The following RPRD1A variants were observed in gnomAD, a reference collection of about 807,000 sequenced individuals.
RPRD1A encodes regulation of nuclear pre-mRNA domain containing 1A.
A neutral mutation model predicts 37.8 loss-of-function variants in RPRD1A; 9 were observed. That is an observed-to-expected ratio of 0.24 (90% CI 0.14 to 0.42). The LOEUF is 0.42. Among genes scored for constraint, RPRD1A ranks in the 10% least tolerant of loss-of-function variants. The pLI is 1.00. For synonymous variants in RPRD1A, 138 were observed against 139.7 expected (o/e 0.99, Z 0.08); for missense variants, 255 against 371.0 (o/e 0.69, Z 2.57).
chr18:36,062,411 A>G, intron 1 of RPRD1A, among the ~76,000 whole-genome samples: 1 of 151,466 alleles, frequency 6.6e-6, no homozygotes, highest in Non-Finnish European at 1.5e-5. Context: ...GGATTCCCAT[A>G]TGACCCAGAA....
intron 1 of RPRD1A, among the ~76,000 whole-genome samples, chr18:36,048,721 G>C (rs951408920): frequency 6.6e-6 from 1 of 151,664 alleles, no homozygotes; most frequent in Non-Finnish European, 1.5e-5. Flanking sequence ...TCAGGAACAA[G>C]GCAATAACTG....
At chr18:36,029,527 G>A (rs761133186) in intron 4 of RPRD1A, among the ~76,000 whole-genome samples, 11 of 150,998 alleles carry the variant, frequency 7.3e-5, no homozygotes, top group Admixed American at 2.7e-4. Flanking sequence ...TGTTTTAAGA[G>A]TATGGTTATG....
chr18:36,041,278 T>A (rs892427217), intron 1 of RPRD1A, among the ~76,000 whole-genome samples: 1 of 152,216 alleles, frequency 6.6e-6, no homozygotes, highest in Non-Finnish European at 1.5e-5. Context: ...TCCTCTTAAG[T>A]ATGGCTTTTA....
intron 1 of RPRD1A, among the ~76,000 whole-genome samples, chr18:36,054,179 A>T (rs1285090062): frequency 8.2e-6 from 1 of 121,540 alleles, no homozygotes; most frequent in Non-Finnish European, 1.7e-5. Flanking sequence ...ACACTAATTG[A>T]TTTACCGATT....
intron 1 of RPRD1A, among the ~76,000 whole-genome samples, chr18:36,056,237 G>A (rs980136116): frequency 6.6e-6 from 1 of 151,902 alleles, no homozygotes; most frequent in Non-Finnish European, 1.5e-5. Flanking sequence ...TGGTTAAGGA[G>A]GGAATAGGAA....
chr18:36,011,660 AAG>A (rs1348567124), intron 6 of RPRD1A, among the ~76,000 whole-genome samples: 2 of 152,226 alleles, frequency 1.3e-5, no homozygotes, highest in Non-Finnish European at 2.9e-5. Flanking sequence ...GATGTTAAAA[AAG>A]AGAGGTTTGA....
intron 6 of RPRD1A, among the ~76,000 whole-genome samples, chr18:36,016,514 C>T (rs866417382): frequency 2.5e-4 from 38 of 152,148 alleles, no homozygotes; most frequent in Non-Finnish European, 7.4e-5. Flanking sequence ...TGAGCCACCG[C>T]GCCCGGCCTG....
intron 6 of RPRD1A, among the ~76,000 whole-genome samples, chr18:36,015,210 A>T (rs1051599230): frequency 1.4e-5 from 2 of 145,308 alleles, no homozygotes; most frequent in Middle Eastern, 3.5e-3. Context: ...ACACATTCAC[A>T]TACTTTTTTT....
At chr18:36,023,032 A>C (rs947545064) in intron 6 of RPRD1A, among the ~76,000 whole-genome samples, 1 of 152,228 alleles carries the variant, frequency 6.6e-6, no homozygotes, top group South Asian at 2.1e-4. Context: ...AAGATGTACA[A>C]TGTGACTAGT....
intron 1 of RPRD1A, among the ~76,000 whole-genome samples, chr18:36,065,256 T>C (rs2089005995): frequency 6.6e-6 from 1 of 152,186 alleles, no homozygotes; most frequent in African/African-American, 2.4e-5. Context: ...ACAAAAGAAG[T>C]ACTGTTTTGC....
In RPRD1A at chr18:35,993,175, C is replaced by G; in HGVS notation, c.915G>C (p.Ala305=). The G allele has an allele frequency of 6.2e-7, 1 of 1,614,040 alleles. No homozygotes were observed. The highest frequency in any genetic ancestry group is 1.1e-5 in the South Asian group (1 of 91,066). The change falls in exon 7 of 7, where the codon GCG becomes GCC. Residue 305 remains alanine, a synonymous_variant. Coordinates refer to ENST00000399022, the MANE Select transcript of RPRD1A (RefSeq NM_018170.5). ...ATCAATCTTCACTGTAGATGTCTCCCGCAAAGGGCAGGTGCATGTGGCTGC... is the reference window on the plus strand; with the variant it reads ...ATCAATCTTCACTGTAGATGTCTCCGGCAAAGGGCAGGTGCATGTGGCTGC... ...VTGSHMHLPF[A]GDIYSED
chr18:36,031,881 C>T (rs1911818321), intron 2 of RPRD1A, among the ~76,000 whole-genome samples: 1 of 152,216 alleles, frequency 6.6e-6, no homozygotes, highest in Non-Finnish European at 1.5e-5. Context: ...CCATAAGGCC[C>T]ACATGCTCTG....
rs76927556 is a variant in RPRD1A, at chr18:36,041,827, A to G, written c.152-7990T>C. On this transcript the variant is annotated intron_variant, in intron 1 of 6. Coordinates refer to ENST00000399022, the MANE Select transcript of RPRD1A (RefSeq NM_018170.5). ...CTTCAATGGATTCTATCTGTCCCAGACAGGACAAAGAGTTCAGTCAGACAC... is the reference window on the plus strand; with the variant it reads ...CTTCAATGGATTCTATCTGTCCCAGGCAGGACAAAGAGTTCAGTCAGACAC... Among the ~76,000 whole-genome samples, 946 of 152,346 alleles carry G rather than the reference A, an allele frequency of 6.2e-3. 20 individuals carry two copies. Among genetic ancestry groups the G allele is most frequent in the African/African-American group, 0.022 (900 of 41,592 alleles).
In RPRD1A at chr18:36,067,485, C is replaced by T; in HGVS notation, c.-81G>A. ...TTCGCCGCCCTAGCTGCGGCCTCGC[C>T]CCCTCACCCCACCCTTCCCCACGCT... On this transcript the variant is annotated 5_prime_UTR_variant, in exon 1 of 7. Coordinates refer to ENST00000399022, the MANE Select transcript of RPRD1A (RefSeq NM_018170.5). 1 of 1,416,178 alleles carries T rather than the reference C, an allele frequency of 7.1e-7. No homozygotes were observed. Among genetic ancestry groups the T allele is most frequent in the East Asian group, 2.6e-5 (1 of 38,144 alleles). 87.7% of individuals were successfully genotyped at this position (1,416,178 alleles called of 1,614,324 possible).
At chr18:36,026,848 A>G (rs760609390) in intron 6 of RPRD1A, 52 bp downstream of exon 6, 1 of 1,506,906 alleles carries the variant, frequency 6.6e-7, no homozygotes, top group Non-Finnish European at 9.0e-7. Context: ...TAAAATTCCT[A>G]ACAAAAAGAG....
intron 6 of RPRD1A, among the ~76,000 whole-genome samples, chr18:36,022,854 T>C (rs1452514219): frequency 1.4e-4 from 22 of 152,142 alleles, no homozygotes; most frequent in Admixed American, 1.4e-3. Flanking sequence ...CCTAGCTACT[T>C]TGGAAGCTGA....
chr18:36,016,166 A>T (rs1304073154), intron 6 of RPRD1A, among the ~76,000 whole-genome samples: 1 of 152,226 alleles, frequency 6.6e-6, no homozygotes, highest in Non-Finnish European at 1.5e-5. Flanking sequence ...ATTTACATCA[A>T]CAATATGTTA....
chr18:36,002,026 G>GGTTTTTACTTTA (rs1568113868), intron 6 of RPRD1A, among the ~76,000 whole-genome samples: 3 of 151,558 alleles, frequency 2.0e-5, no homozygotes, highest in African/African-American at 7.3e-5. Flanking sequence ...TCCCCCTCTG[G>GGTTTTTACTTTA]CTTCTTTCAA....
chr18:36,067,139 C>G, intron 1 of RPRD1A, 115 bp downstream of exon 1: 1 of 1,165,016 alleles, frequency 8.6e-7, no homozygotes, highest in South Asian at 1.5e-5. Flanking sequence ...CGCAGACCAC[C>G]GCGCGCTGGC....
Sources: allele counts gnomAD v4.1 joint callset (sites outside exome capture counted in the v4.1 genomes callset), GRCh38; gene constraint gnomAD v4.1.1; transcripts MANE v1.5; gene names NCBI Gene and HGNC (gene_info 2026-07-23, HGNC 2026-07-21).